The following METTL15 variants were observed in gnomAD, a reference collection of about 807,000 sequenced individuals.
METTL15 encodes the protein methyltransferase 15, mitochondrial 12S rRNA N4-cytidine, also known as 12S rRNA N(4)-cytidine methyltransferase METTL15.
A neutral mutation model predicts 38.3 loss-of-function variants in METTL15; 34 were observed. That is an observed-to-expected ratio of 0.89 (90% CI 0.68 to 1.18). The LOEUF (loss-of-function observed/expected upper bound fraction) is 1.18. Among genes scored for constraint, METTL15 ranks in the 50% most tolerant of loss-of-function variants. METTL15 has a pLI of 0.00. For missense variants in METTL15, 438 were observed against 498.4 expected, an observed-to-expected ratio of 0.88 and a Z score of 1.15; for synonymous variants, 162 against 170.9, an observed-to-expected ratio of 0.95 and a Z score of 0.41.
At chr11:28,373,107 A>G (rs1223740420) in intron 5 of METTL15, among the ~76,000 whole-genome samples, 1 of 152,154 alleles carries the variant, frequency 6.6e-6, no homozygotes, top group Non-Finnish European at 1.5e-5. Flanking sequence ...TTATAGCAGC[A>G]TGATTTATAG....
intron 6 of METTL15, among the ~76,000 whole-genome samples, chr11:28,461,026 G>A (rs1851209563): frequency 6.6e-6 from 1 of 152,040 alleles, no homozygotes; most frequent in Admixed American, 6.6e-5. Flanking sequence ...AGACAGAGGG[G>A]TTAAGATGCA....
At chr11:28,201,119 G>A (rs896026626) in intron 3 of METTL15, among the ~76,000 whole-genome samples, 1 of 152,078 alleles carries the variant, frequency 6.6e-6, no homozygotes, top group African/African-American at 2.4e-5. Context: ...TTAACATGAA[G>A]CGATGTTGAA....
intron 6 of METTL15, among the ~76,000 whole-genome samples, chr11:28,486,129 T>C (rs1438526903): frequency 6.6e-6 from 1 of 152,154 alleles, no homozygotes; most frequent in Non-Finnish European, 1.5e-5. Context: ...TTTTAGTTGA[T>C]AGATGAGAAA....
intron 6 of METTL15, among the ~76,000 whole-genome samples, chr11:28,304,983 A>T (rs1354152638): frequency 2.0e-5 from 3 of 152,290 alleles, no homozygotes; most frequent in East Asian, 3.9e-4. Flanking sequence ...ATGGCTCCCC[A>T]ATATATCATA....
At chr11:28,287,156 A>ATG (rs150235421) in intron 4 of METTL15, 8,749 of 140,442 alleles carry the variant, frequency 0.062, 319 homozygotes, top group Admixed American at 0.11. Flanking sequence ...GAGAGAGACA[A>ATG]TGTGTGTGTG....
At chr11:28,380,056 T>C (rs1350942674) in intron 5 of METTL15, among the ~76,000 whole-genome samples, 1 of 152,174 alleles carries the variant, frequency 6.6e-6, no homozygotes, top group Non-Finnish European at 1.5e-5. Flanking sequence ...TTCCATAGAA[T>C]ATTTGTTCCC....
At chr11:28,295,602 A>G (rs1856702450) in intron 5 of METTL15, among the ~76,000 whole-genome samples, 1 of 149,326 alleles carries the variant, frequency 6.7e-6, no homozygotes, top group Non-Finnish European at 1.5e-5. Flanking sequence ...CTTCGTCTCA[A>G]AAAAAAAAAA....
At chr11:28,300,136 A>T (rs1015715381) in intron 6 of METTL15, among the ~76,000 whole-genome samples, 8 of 151,828 alleles carry the variant, frequency 5.3e-5, no homozygotes, top group Non-Finnish European at 7.4e-5. Flanking sequence ...ATTGTGGGGG[A>T]CTCTATAAAC....
intron 4 of METTL15, among the ~76,000 whole-genome samples, chr11:28,266,738 C>T (rs1411579620): frequency 1.3e-5 from 2 of 152,204 alleles, no homozygotes; most frequent in Non-Finnish European, 2.9e-5. Flanking sequence ...GTGCAACAGT[C>T]TCTTTCCCAG....
chr11:28,273,770 A>T (rs1855736501), intron 4 of METTL15, among the ~76,000 whole-genome samples: 1 of 152,080 alleles, frequency 6.6e-6, no homozygotes, highest in Admixed American at 6.6e-5. Context: ...ACCACATCTA[A>T]AAATATTTCA....
intron 3 of METTL15, among the ~76,000 whole-genome samples, chr11:28,343,537 A>G (rs540931943): frequency 6.6e-6 from 1 of 152,316 alleles, no homozygotes; most frequent in African/African-American, 2.4e-5. Context: ...GGAAAAGTGT[A>G]TCGCAGCTGC....
intron 3 of METTL15, chr11:28,123,988 T>G: frequency 1.3e-6 from 1 of 798,616 alleles, no homozygotes; most frequent in East Asian, 3.2e-5. Context: ...ATTTTACTGT[T>G]TATGAAGCAC....
intron 3 of METTL15, among the ~76,000 whole-genome samples, chr11:28,179,103 T>C (rs1163026229): frequency 6.6e-6 from 1 of 151,832 alleles, no homozygotes; most frequent in African/African-American, 2.4e-5. Context: ...CACACACCTG[T>C]GTGCACACAT....
At chr11:28,440,358 A>G (rs1851023857) in intron 6 of METTL15, among the ~76,000 whole-genome samples, 1 of 152,194 alleles carries the variant, frequency 6.6e-6, no homozygotes, top group Admixed American at 6.5e-5. Context: ...AAGTAGTAAT[A>G]TCTATAGCAT....
chr11:28,268,024 C>T lies in METTL15; in HGVS notation c.408-22182C>T, dbSNP rs1451855472. Among the ~76,000 whole-genome samples, 19 of 151,268 alleles carry T rather than the reference C, an allele frequency of 1.3e-4. 1 individual carries two copies. The highest frequency in any genetic ancestry group is 7.4e-5 in the Non-Finnish European group (5 of 67,762). On this transcript the variant is annotated intron_variant, in intron 4 of 6. Coordinates refer to ENST00000407364, the MANE Select transcript of METTL15 (RefSeq NM_001113528.2). ...CATCCCGGCTAAAACGGTGAAACCCCGTCTCTACTAAAAATACAAAAAATT... is the reference window on the plus strand; with the variant it reads ...CATCCCGGCTAAAACGGTGAAACCCTGTCTCTACTAAAAATACAAAAAATT...
At chr11:28,531,342 C>T (rs1851842341), downstream of METTL15, among the ~76,000 whole-genome samples, 1 of 151,890 alleles carries the variant, frequency 6.6e-6, no homozygotes, top group South Asian at 2.1e-4. Flanking sequence ...TGATAAAATC[C>T]TTGATAGCTC....
chr11:28,399,722 A>C (rs1419692462), intron 5 of METTL15, among the ~76,000 whole-genome samples: 1 of 151,958 alleles, frequency 6.6e-6, no homozygotes, highest in African/African-American at 2.4e-5. Context: ...ATCTACTATC[A>C]AAATGCATTT....
At chr11:28,432,300 T>C (rs936329776) in intron 6 of METTL15, among the ~76,000 whole-genome samples, 1 of 152,002 alleles carries the variant, frequency 6.6e-6, no homozygotes, top group Non-Finnish European at 1.5e-5. Context: ...GGTAGTTCAA[T>C]CAAAGTTAGG....
chr11:28,393,799 G>C (rs747311871), intron 5 of METTL15, among the ~76,000 whole-genome samples: 6 of 152,044 alleles, frequency 3.9e-5, no homozygotes, highest in Non-Finnish European at 7.4e-5. Flanking sequence ...ACTATATACG[G>C]ATGTGAACAC....
Sources: gnomAD v4.1 joint callset for allele counts (sites outside exome capture counted in the v4.1 genomes callset) on GRCh38, gnomAD v4.1.1 for gene constraint, MANE v1.5 for transcripts, NCBI Gene and HGNC (gene_info 2026-07-23, HGNC 2026-07-21) for gene names.